Variants in QRICH1 observed in about 807,000 individuals in gnomAD.
The protein encoded by QRICH1 is glutamine rich 1, also known as transcriptional regulator QRICH1.
In QRICH1, 16 loss-of-function variants were observed where a neutral mutation model predicts 87.1. The observed-to-expected ratio is 0.18, with a 90% CI of 0.12 to 0.28. QRICH1 has a LOEUF of 0.28. QRICH1 is among the 10% of genes least tolerant of loss of function. The pLI is 1.00. For missense variants in QRICH1, 647 were observed against 951.7 expected (o/e 0.68, Z 4.21); for synonymous variants, 367 against 368.4 (o/e 1.00, Z 0.05).
At chr3:49,069,032 A>G (rs190050960) in intron 2 of QRICH1, among the ~76,000 whole-genome samples, 6 of 152,060 alleles carry the variant, frequency 3.9e-5, no homozygotes, top group African/African-American at 1.2e-4. Flanking sequence ...GAAATTTGTG[A>G]TAAGACTTTT....
rs771279488 is a variant in QRICH1, at chr3:49,057,053, G to C, written c.1147C>G (p.Leu383Val). ...CCATTCATGAACTGTGCTGGAAAGAGAGAGTTTGCAAGGGTCTGCACTACC... is the reference window on the plus strand; with the variant it reads ...CCATTCATGAACTGTGCTGGAAAGACAGAGTTTGCAAGGGTCTGCACTACC... The part of the protein sequence containing the change: ...EEVVQTLANS[L>V]FPAQFMNGNI... Residue 383 changes from leucine (L) to valine (V), a missense_variant, in exon 3 of 10, where the codon CTC (leucine) becomes GTC (valine). Leu to Val is a conservative substitution (Grantham distance 32, BLOSUM62 1). This residue lies in a region of QRICH1 where 115 missense variants were observed against 126.8 expected (regional missense o/e 0.91). Transcript: ENST00000395443. The surrounding 1 kb of genome is among the most constrained non-coding windows in gnomAD (Gnocchi z 5.4). 1 of 1,614,228 alleles carries C rather than the reference G, an allele frequency of 6.2e-7. No homozygotes were observed. The highest frequency in any genetic ancestry group is 8.5e-7 in the Non-Finnish European group (1 of 1,180,038).
At chr3:49,062,744 A>C (rs2093442687) in intron 2 of QRICH1, among the ~76,000 whole-genome samples, 1 of 151,560 alleles carries the variant, frequency 6.6e-6, no homozygotes, top group Non-Finnish European at 1.5e-5. Context: ...GCTGTGGCTC[A>C]CACCTGTAAT....
In QRICH1 at chr3:49,094,011, G is replaced by A. The variant is rs918361165; in HGVS notation, c.-121C>T. The A allele has an allele frequency of 2.3e-5, 9 of 398,974 alleles. No homozygotes were observed. The highest frequency in any genetic ancestry group is 2.2e-4 in the Admixed American group (5 of 22,712). 24.7% of individuals were successfully genotyped at this position (398,974 alleles called of 1,614,324 possible). On this transcript the variant is annotated 5_prime_UTR_variant, in exon 1 of 10. Coordinates refer to ENST00000395443, the MANE Select transcript of QRICH1 (RefSeq NM_198880.3). ...GTTCTGCCGTCGTCGCTCCAAGACC[G>A]ACAGGGTTTTCTCCTCACAGCTCCC...
chr3:49,076,940 C>T lies in QRICH1; in HGVS notation c.78G>A (p.Arg26=), dbSNP rs186963047. The T allele has an allele frequency of 6.2e-7, 1 of 1,611,136 alleles. No individual in the cohort carries two copies. Among genetic ancestry groups the T allele is most frequent in the East Asian group, 2.2e-5 (1 of 44,810 alleles). ...RVKARSVPQH[R]MKEFLDSLAS... ...CCAGTGAGTCCAGAAATTCCTTCAT[C>T]CTGTGTTGCGGGACAGACCGTGCCT... The change falls in exon 2 of 10, where the codon AGG becomes AGA. Residue 26 remains arginine (R), a synonymous_variant. Coordinates refer to ENST00000395443, the MANE Select transcript of QRICH1 (RefSeq NM_198880.3).
At chr3:49,076,672 A>C (rs1488555761) in intron 2 of QRICH1, 37 bp downstream of exon 2, 1 of 1,458,298 alleles carries the variant, frequency 6.9e-7, no homozygotes, top group African/African-American at 1.4e-5. Context: ...CAAATAAAGT[A>C]CATTAAACAG....
At chr3:49,036,742 T>A (rs2093277353) in intron 6 of QRICH1, among the ~76,000 whole-genome samples, 1 of 151,096 alleles carries the variant, frequency 6.6e-6, no homozygotes, top group South Asian at 2.1e-4. Flanking sequence ...ATACAATCTA[T>A]ACCATCATGA....
At chr3:49,037,161 A>G (rs2093280714) in intron 6 of QRICH1, among the ~76,000 whole-genome samples, 1 of 152,018 alleles carries the variant, frequency 6.6e-6, no homozygotes, top group South Asian at 2.1e-4. Context: ...CTGTTTTGCA[A>G]CCCATAAAGA....
intron 6 of QRICH1, among the ~76,000 whole-genome samples, chr3:49,042,076 GT>G (rs76500911): frequency 3.6e-3 from 255 of 70,840 alleles, no homozygotes; most frequent in African/African-American, 6.2e-3. Context: ...CCCAGACTGT[GT>G]TTTTTTTTTT....
chr3:49,086,386 A>T (rs921017443), intron 1 of QRICH1, among the ~76,000 whole-genome samples: 3 of 151,594 alleles, frequency 2.0e-5, no homozygotes, highest in Admixed American at 6.6e-5. Flanking sequence ...CCTCCCAAGT[A>T]GCTGGGACTA....
intron 2 of QRICH1, among the ~76,000 whole-genome samples, chr3:49,070,473 AC>A (rs2093494604): frequency 6.6e-6 from 1 of 152,028 alleles, no homozygotes; most frequent in Non-Finnish European, 1.5e-5. Context: ...AGGGTCTTGC[AC>A]TTTTGCCCAG....
intron 1 of QRICH1, among the ~76,000 whole-genome samples, chr3:49,084,930 C>T (rs769255320): frequency 2.1e-4 from 32 of 152,176 alleles, no homozygotes; most frequent in Non-Finnish European, 3.4e-4. Context: ...ATCACCAGAT[C>T]AGGAGATCGA....
At chr3:49,050,842 T>C (rs2093366366) in intron 3 of QRICH1, among the ~76,000 whole-genome samples, 1 of 152,088 alleles carries the variant, frequency 6.6e-6, no homozygotes, top group Non-Finnish European at 1.5e-5. Flanking sequence ...GAGGACCCAA[T>C]AGCAACAGAA....
chr3:49,051,354 TA>T (rs2106881963), intron 3 of QRICH1, among the ~76,000 whole-genome samples: 1 of 152,296 alleles, frequency 6.6e-6, no homozygotes, highest in Admixed American at 6.5e-5. Context: ...GGCTTCCTGA[TA>T]TATCATCCTC....
intron 2 of QRICH1, among the ~76,000 whole-genome samples, chr3:49,074,775 G>A (rs527950102): frequency 4.0e-5 from 6 of 151,012 alleles, no homozygotes; most frequent in East Asian, 4.0e-4. Flanking sequence ...TCAGGAGATC[G>A]AGACCATCCT....
intron 2 of QRICH1, among the ~76,000 whole-genome samples, chr3:49,072,713 C>T (rs975090917): frequency 6.6e-6 from 1 of 152,010 alleles, no homozygotes; most frequent in African/African-American, 2.4e-5. Flanking sequence ...TATGTCCTTC[C>T]AATATACTCG....
chr3:49,059,087 G>A (rs1038839368), intron 2 of QRICH1, among the ~76,000 whole-genome samples: 12 of 150,870 alleles, frequency 8.0e-5, no homozygotes, highest in South Asian at 2.1e-4. Context: ...TCAGCCTCCC[G>A]GGTAGCTGGG....
intron 6 of QRICH1, among the ~76,000 whole-genome samples, chr3:49,037,316 G>C (rs755304957): frequency 1.3e-5 from 2 of 152,078 alleles, no homozygotes; most frequent in African/African-American, 4.8e-5. Context: ...GGGGAAAAAA[G>C]AACATGTTAA....
chr3:49,031,510 T>A (rs779676935), intron 9 of QRICH1, among the ~76,000 whole-genome samples: 1 of 152,188 alleles, frequency 6.6e-6, no homozygotes, highest in African/African-American at 2.4e-5. Context: ...AAGTATTTCC[T>A]ACCCATGGAG....
intron 4 of QRICH1, 75 bp from the exon 5 acceptor site, chr3:49,046,654 A>G: frequency 6.7e-7 from 1 of 1,497,762 alleles, no homozygotes; most frequent in Non-Finnish European, 9.0e-7. Flanking sequence ...GATACTGCCC[A>G]TCAGGGTGCT....
Sources: gnomAD v4.1 joint callset for allele counts (sites outside exome capture counted in the v4.1 genomes callset) on GRCh38, gnomAD v4.1.1 for gene constraint, gnomAD v4.1.1 regional missense constraint, Gnocchi (gnomAD v3.1) non-coding constraint, MANE v1.5 for transcripts, NCBI Gene and HGNC (gene_info 2026-07-23, HGNC 2026-07-21) for gene names.